Variants in GPC6 observed in about 807,000 individuals in gnomAD.
GPC6 encodes the protein glypican-6.
A neutral mutation model predicts 55.2 loss-of-function variants in GPC6; 14 were observed. The ratio of observed to expected loss-of-function variants is 0.25; its 90% confidence interval spans 0.17 to 0.40. The LOEUF (loss-of-function observed/expected upper bound fraction) is 0.40, where lower values mean the gene tolerates loss of function less well. GPC6 is among the 10% of genes least tolerant of loss of function. The probability of loss-of-function intolerance (pLI) is 1.00; values close to 1 mark genes in which losing one functional copy is unlikely to be tolerated. For synonymous variants in GPC6, 278 were observed against 259.6 expected (o/e 1.07, Z -0.68); for missense variants, 641 against 708.5 (o/e 0.90, Z 1.08).
rs115237300 is a variant in GPC6 at position 93,577,044 on chromosome 13, G to A, written c.319+31623G>A. Among the ~76,000 whole-genome samples the A allele has an allele frequency of 3.2e-3, 485 of 152,226 alleles. 3 individuals are homozygous for A. The highest frequency in any genetic ancestry group is 0.011 in the African/African-American group (446 of 41,548). On this transcript the variant is annotated intron_variant, in intron 2 of 8. Coordinates refer to ENST00000377047, the MANE Select transcript of GPC6 (RefSeq NM_005708.5). ...CAATGGGACATGTTTTTGTGATGAT[G>A]CCATGATTTCTAGACTAGTACTTTT...
intron 1 of GPC6, among the ~76,000 whole-genome samples, chr13:93,493,838 T>G (rs1381687678): frequency 8.6e-6 from 1 of 115,918 alleles, no homozygotes; most frequent in Non-Finnish European, 1.9e-5. Flanking sequence ...CGGCTTTGAG[T>G]GAGATTCTTA....
At chr13:93,629,454 T>G (rs1247212900) in intron 2 of GPC6, among the ~76,000 whole-genome samples, 2 of 152,160 alleles carry the variant, frequency 1.3e-5, no homozygotes, top group African/African-American at 4.8e-5. Flanking sequence ...ATGCCTAGGT[T>G]CGAGCCATTG....
intron 4 of GPC6, among the ~76,000 whole-genome samples, chr13:94,035,768 T>A (rs1342927592): frequency 6.6e-6 from 1 of 152,080 alleles, no homozygotes; most frequent in Admixed American, 6.6e-5. Context: ...AGACTTCTTT[T>A]CTGACATAGT....
At chr13:94,138,319 A>C (rs2138876554) in intron 4 of GPC6, among the ~76,000 whole-genome samples, 1 of 152,326 alleles carries the variant, frequency 6.6e-6, no homozygotes, top group Non-Finnish European at 1.5e-5. Context: ...TGCCCTGTCT[A>C]TATAAACTTT....
At chr13:93,940,767 T>C (rs574459330) in intron 3 of GPC6, among the ~76,000 whole-genome samples, 9 of 152,328 alleles carry the variant, frequency 5.9e-5, no homozygotes, top group African/African-American at 2.2e-4. Context: ...TTGTGATTTA[T>C]ATTTTTTTGA....
chr13:94,112,324 C>T (rs944755208), intron 4 of GPC6, among the ~76,000 whole-genome samples: 1 of 152,148 alleles, frequency 6.6e-6, no homozygotes, highest in Non-Finnish European at 1.5e-5. Flanking sequence ...AAGTACAGTT[C>T]TTCAAATTCT....
chr13:93,882,054 C>T (rs1447821587), intron 3 of GPC6, among the ~76,000 whole-genome samples: 2 of 151,458 alleles, frequency 1.3e-5, no homozygotes, highest in Non-Finnish European at 2.9e-5. Flanking sequence ...TTTCTCCTCC[C>T]TCCCTCCTTT....
At chr13:93,920,791 C>T (rs573726580) in intron 3 of GPC6, among the ~76,000 whole-genome samples, 13 of 152,208 alleles carry the variant, frequency 8.5e-5, no homozygotes, top group Non-Finnish European at 1.8e-4. Flanking sequence ...CCAGGGCTAC[C>T]TATACCAATC....
At chr13:93,573,754 T>TC (rs1566430547) in intron 2 of GPC6, among the ~76,000 whole-genome samples, 1 of 152,128 alleles carries the variant, frequency 6.6e-6, no homozygotes, top group South Asian at 2.1e-4. Flanking sequence ...GGAAGCTTCT[T>TC]CCCCCAACAC....
chr13:93,604,735 A>G (rs537064754), intron 2 of GPC6, among the ~76,000 whole-genome samples: 114 of 152,322 alleles, frequency 7.5e-4, no homozygotes, highest in African/African-American at 2.6e-3. Context: ...GAGAAGAGCA[A>G]ACAACCGTTT....
At chr13:93,921,165 G>A (rs529814512) in intron 3 of GPC6, among the ~76,000 whole-genome samples, 1 of 152,282 alleles carries the variant, frequency 6.6e-6, no homozygotes, top group East Asian at 1.9e-4. Context: ...CCCCCTTACA[G>A]GACCTGTGGC....
intron 1 of GPC6, among the ~76,000 whole-genome samples, chr13:93,294,561 CCG>C (rs1878420832): frequency 6.6e-6 from 1 of 152,084 alleles, no homozygotes; most frequent in Admixed American, 6.5e-5. Flanking sequence ...TGTTACCATA[CCG>C]TATGCTTGGC....
intron 1 of GPC6, among the ~76,000 whole-genome samples, chr13:93,247,018 C>T (rs191205991): frequency 1.1e-3 from 163 of 148,252 alleles, no homozygotes; most frequent in African/African-American, 3.9e-3. Context: ...TTTTTTTTTA[C>T]AGCCAAATAT....
intron 4 of GPC6, among the ~76,000 whole-genome samples, chr13:94,206,215 A>G (rs535119467): frequency 3.9e-4 from 59 of 152,338 alleles, no homozygotes; most frequent in African/African-American, 1.3e-3. Flanking sequence ...TGGTGCTTGG[A>G]AATGCTTTTC....
chr13:93,717,215 C>A (rs1428501412), intron 2 of GPC6, among the ~76,000 whole-genome samples: 2 of 151,646 alleles, frequency 1.3e-5, no homozygotes, highest in Non-Finnish European at 3.0e-5. Context: ...CTTTTTAATG[C>A]AGATAGTTCA....
chr13:94,182,660 A>G (rs1048653293), intron 4 of GPC6, among the ~76,000 whole-genome samples: 3 of 152,236 alleles, frequency 2.0e-5, no homozygotes, highest in Non-Finnish European at 4.4e-5. Context: ...TGAATAAACT[A>G]TCTTGCCAGC....
intron 1 of GPC6, among the ~76,000 whole-genome samples, chr13:93,249,356 T>C (rs1277710910): frequency 6.6e-6 from 1 of 152,240 alleles, no homozygotes; most frequent in Non-Finnish European, 1.5e-5. Flanking sequence ...ATAACACATT[T>C]AACATTTAGA....
In GPC6 at chr13:93,715,667, T is replaced by C. The variant is rs114252866; in HGVS notation, c.320-114487T>C. On this transcript the variant is annotated intron_variant, in intron 2 of 8. Coordinates refer to ENST00000377047, the MANE Select transcript of GPC6 (RefSeq NM_005708.5). ...ATATCAGTTTCAAGAATATGAAATA[T>C]ATGAGAAATAGTTTAATTGTAAGCT... Among the ~76,000 whole-genome samples, 520 of 151,778 alleles carry C rather than the reference T, an allele frequency of 3.4e-3. 4 individuals carry two copies. Among genetic ancestry groups the C allele is most frequent in the African/African-American group, 0.012 (499 of 41,498 alleles).
chr13:93,904,651 T>G (rs1406438963), intron 3 of GPC6, among the ~76,000 whole-genome samples: 1 of 152,054 alleles, frequency 6.6e-6, no homozygotes, highest in Non-Finnish European at 1.5e-5. Context: ...ACTGGAAGGA[T>G]CACAAGCCAG....
Sources: gnomAD v4.1 joint callset for allele counts (sites outside exome capture counted in the v4.1 genomes callset) on GRCh38, gnomAD v4.1.1 for gene constraint, MANE v1.5 for transcripts, NCBI Gene and HGNC (gene_info 2026-07-23, HGNC 2026-07-21) for gene names.